The following VPS8 variants were observed in gnomAD, a reference collection of about 807,000 sequenced individuals.
VPS8 encodes the protein VPS8 subunit of CORVET complex.
VPS8 carries 129 observed loss-of-function variants against 216.4 expected under a neutral mutation model. The ratio of observed to expected loss-of-function variants is 0.60; its 90% CI spans 0.52 to 0.69. VPS8 has a LOEUF of 0.69. Ranked by LOEUF, VPS8 falls within the 30% of genes least tolerant of loss-of-function variation. The probability of loss-of-function intolerance (pLI) is 0.00; values close to 1 mark genes in which losing one functional copy is unlikely to be tolerated. For synonymous variants in VPS8, 571 were observed against 565.4 expected (o/e 1.01, Z -0.14); for missense variants, 1,531 against 1,683.5 (o/e 0.91, Z 1.59).
chr3:184,851,415 G>A (rs1294929026), intron 10 of VPS8, among the ~76,000 whole-genome samples: 1 of 151,942 alleles, frequency 6.6e-6, no homozygotes, highest in Non-Finnish European at 1.5e-5. Flanking sequence ...CCAAACTTAA[G>A]CCTGTATCTC....
intron 36 of VPS8, among the ~76,000 whole-genome samples, chr3:184,957,016 T>C (rs1481950993): frequency 6.6e-6 from 1 of 152,176 alleles, no homozygotes; most frequent in African/African-American, 2.4e-5. Context: ...TTACTGAGAT[T>C]GGAAGATGGT....
At chr3:184,963,774 A>G (rs901081425) in intron 37 of VPS8, among the ~76,000 whole-genome samples, 1 of 152,050 alleles carries the variant, frequency 6.6e-6, no homozygotes, top group Non-Finnish European at 1.5e-5. Context: ...GATAATTTTT[A>G]TTAAGAAAAT....
In VPS8 at chr3:184,999,727, C is replaced by A. The variant is rs1467241814; in HGVS notation, c.3868C>A (p.Gln1290Lys). 6.2e-7 allele frequency: 1 copy of A among 1,612,424 alleles called. No individual in the cohort carries two copies. The highest frequency in any genetic ancestry group is 8.5e-7 in the Non-Finnish European group (1 of 1,179,456). Residue 1290 changes from glutamine (Q) to lysine (K), a missense_variant, in exon 45 of 48, where the codon CAA becomes AAA. Transcript: ENST00000625842. ...CCATTTGTATCACTCATTCTGCCTACAAAACAAAGAATGCACTGTGGAATT... is the reference window on the plus strand; with the variant it reads ...CCATTTGTATCACTCATTCTGCCTAAAAAACAAAGAATGCACTGTGGAATT... ...CGHLYHSFCL[Q>K]NKECTVEFEG...
At chr3:185,022,599 G>A (rs1421580900) in intron 45 of VPS8, among the ~76,000 whole-genome samples, 2 of 152,044 alleles carry the variant, frequency 1.3e-5, no homozygotes, top group Non-Finnish European at 2.9e-5. Context: ...ATTCACAAAA[G>A]GTTCTTATCA....
At chr3:184,855,602 A>T (rs980022618) in intron 13 of VPS8, 109 bp from the exon 14 acceptor site, 1 of 909,454 alleles carries the variant, frequency 1.1e-6, no homozygotes, top group African/African-American at 1.7e-5. Flanking sequence ...GAAATTGGGG[A>T]AAGTTTTTAT....
intron 34 of VPS8, among the ~76,000 whole-genome samples, chr3:184,933,430 G>GA (rs1246845965): frequency 6.6e-6 from 1 of 152,042 alleles, no homozygotes; most frequent in African/African-American, 2.4e-5. Context: ...TGTTTTGGAA[G>GA]ATTTCTTTAT....
intron 36 of VPS8, among the ~76,000 whole-genome samples, chr3:184,954,692 C>T (rs914509065): frequency 4.6e-5 from 7 of 152,106 alleles, no homozygotes; most frequent in African/African-American, 1.7e-4. Context: ...ACTTTATAGC[C>T]CTAGTCCCTG....
At chr3:184,977,728 C>CTTTTTTTT in intron 40 of VPS8, among the ~76,000 whole-genome samples, 1 of 126,016 alleles carries the variant, frequency 7.9e-6, no homozygotes, top group Non-Finnish European at 1.7e-5. Flanking sequence ...CATTGCTTAT[C>CTTTTTTTT]TTTTTTTTTT....
intron 34 of VPS8, among the ~76,000 whole-genome samples, chr3:184,932,024 A>C (rs1740777714): frequency 6.6e-6 from 1 of 152,180 alleles, no homozygotes; most frequent in Admixed American, 6.5e-5. Flanking sequence ...TTTGCTACAC[A>C]ATAATTACTT....
intron 21 of VPS8, among the ~76,000 whole-genome samples, chr3:184,871,178 GACTTA>G (rs1728272542): frequency 6.6e-6 from 1 of 150,942 alleles, no homozygotes; most frequent in Non-Finnish European, 1.5e-5. Flanking sequence ...GAGCACCTAT[GACTTA>G]AGAATAATAG....
intron 45 of VPS8, among the ~76,000 whole-genome samples, chr3:185,014,985 A>G (rs1369616122): frequency 6.6e-6 from 1 of 152,248 alleles, no homozygotes; most frequent in African/African-American, 2.4e-5. Context: ...ACATACATGT[A>G]CATAAGCTAG....
intron 20 of VPS8, among the ~76,000 whole-genome samples, 190 bp downstream of exon 20, chr3:184,869,718 G>A (rs578058263): frequency 4.6e-5 from 7 of 151,854 alleles, no homozygotes; most frequent in East Asian, 1.9e-4. Flanking sequence ...GCAAGACCCC[G>A]TCTCTAAAAA....
intron 28 of VPS8, among the ~76,000 whole-genome samples, chr3:184,918,139 A>G (rs1459959243): frequency 6.6e-6 from 1 of 152,180 alleles, no homozygotes; most frequent in Non-Finnish European, 1.5e-5. Context: ...CAAGAAGTGT[A>G]AGATATTTTA....
At chr3:184,932,328 TCAGGGATATA>T (rs1420952186) in intron 34 of VPS8, among the ~76,000 whole-genome samples, 3 of 152,156 alleles carry the variant, frequency 2.0e-5, no homozygotes, top group Non-Finnish European at 4.4e-5. Context: ...GTTTAAAGTT[TCAGGGATATA>T]CAGATCCCTG....
intron 23 of VPS8, among the ~76,000 whole-genome samples, chr3:184,896,532 C>T (rs1321587831): frequency 6.6e-6 from 1 of 152,100 alleles, no homozygotes; most frequent in Non-Finnish European, 1.5e-5. Flanking sequence ...TTTTTTCCCC[C>T]ACTTCCTAAC....
intron 46 of VPS8, among the ~76,000 whole-genome samples, chr3:185,047,024 G>A (rs1330932237): frequency 6.6e-6 from 1 of 152,206 alleles, no homozygotes; most frequent in East Asian, 1.9e-4. Context: ...GACCTTAGCA[G>A]CTCTCATTTC....
intron 34 of VPS8, among the ~76,000 whole-genome samples, chr3:184,931,066 A>T (rs1344880348): frequency 6.6e-6 from 1 of 152,190 alleles, no homozygotes; most frequent in Non-Finnish European, 1.5e-5. Context: ...CTATTGAAAC[A>T]AAAAGTTCCT....
chr3:184,974,068 T>A (rs1487674741), intron 40 of VPS8, among the ~76,000 whole-genome samples: 1 of 152,154 alleles, frequency 6.6e-6, no homozygotes, highest in East Asian at 1.9e-4. Context: ...AAATACCCAG[T>A]AGTAGGATTG....
At chr3:184,913,613 C>T (rs1157345058) in intron 26 of VPS8, 52 bp downstream of exon 26, 9 of 1,451,690 alleles carry the variant, frequency 6.2e-6, no homozygotes, top group South Asian at 2.6e-5. Flanking sequence ...TATATTTTTC[C>T]TATATTTTTA....
Sources: allele counts gnomAD v4.1 joint callset (sites outside exome capture counted in the v4.1 genomes callset), GRCh38; gene constraint gnomAD v4.1.1; transcripts MANE v1.5; gene names NCBI Gene and HGNC (gene_info 2026-07-23, HGNC 2026-07-21).